KIR2DL1: variants seen among roughly 807,000 people sequenced by gnomAD.
KIR2DL1 encodes the protein killer cell immunoglobulin-like receptor 2DL1.
KIR2DL1 carries 38 observed loss-of-function variants against 33.9 expected under a neutral mutation model. The observed-to-expected ratio is 1.12, with a 90% CI of 0.86 to 1.47. The LOEUF is 1.47. KIR2DL1 is among the 40% of genes most tolerant of loss of function. The pLI, the probability that KIR2DL1 is intolerant of heterozygous loss-of-function variation, is 0.00. For missense variants in KIR2DL1, 531 were observed against 433.9 expected (o/e 1.22, Z -1.99); for synonymous variants, 179 against 165.9 (o/e 1.08, Z -0.61).
At chr19:54,774,557 T>C (rs1380707918) in intron 3 of KIR2DL1, among the ~76,000 whole-genome samples, 1 of 147,984 alleles carries the variant, frequency 6.8e-6, no homozygotes, top group African/African-American at 2.5e-5. Flanking sequence ...AGATAATAGG[T>C]TATAGATACA....
chr19:54,783,434 G>C, intron 6 of KIR2DL1, 52 bp from the exon 7 acceptor site: 3 of 1,595,312 alleles, frequency 1.9e-6, no homozygotes, highest in Non-Finnish European at 2.6e-6. Context: ...CTTATGAAAT[G>C]AGGACCCAGA....
At chr19:54,775,701 C>G (rs1463719797) in intron 4 of KIR2DL1, among the ~76,000 whole-genome samples, 1 of 148,594 alleles carries the variant, frequency 6.7e-6, no homozygotes, top group East Asian at 1.9e-4. Flanking sequence ...TCAGGAGAGA[C>G]CCAGAGGAGG....
intron 5 of KIR2DL1, 90 bp from the exon 6 acceptor site, chr19:54,782,832 T>A (rs1380565928): frequency 7.0e-7 from 1 of 1,420,216 alleles, no homozygotes; most frequent in East Asian, 2.3e-5. Flanking sequence ...AGGTGTTTTA[T>A]GTGGTTACCT....
At chr19:54,771,292 T>C (rs1468855477) in intron 2 of KIR2DL1, among the ~76,000 whole-genome samples, 3 of 148,618 alleles carry the variant, frequency 2.0e-5, no homozygotes, top group African/African-American at 7.4e-5. Context: ...TTTATTTTCG[T>C]TCAGGCATCG....
intron 5 of KIR2DL1, 97 bp downstream of exon 5, chr19:54,778,759 G>C (rs1224240470): frequency 3.1e-6 from 4 of 1,287,376 alleles, no homozygotes; most frequent in Middle Eastern, 2.0e-4. Context: ...CTCTGACATT[G>C]TACACTTGTC....
rs768305581 is a variant in KIR2DL1, at chr19:54,783,496, A to T, written c.828A>T (p.Val276=). Residue 276 remains valine, a synonymous_variant, in exon 7 of 8, where the codon GTA becomes GTT. Coordinates refer to ENST00000336077, the MANE Select transcript of KIR2DL1 (RefSeq NM_014218.3). Reference sequence around the variant, plus strand: ...TTCCATCTTCTACAGATGCTGCGGTAATGGACCAAGAGTCTGCAGGAAACA... The same window carrying T: ...TTCCATCTTCTACAGATGCTGCGGTTATGGACCAAGAGTCTGCAGGAAACA... The part of the protein sequence containing the change: ...RWCSNKKNAA[V]MDQESAGNRT... 5.0e-6 allele frequency: 8 copies of T among 1,613,504 alleles called. No individual in the cohort carries two copies. In the Admixed American group the frequency reaches 1.0e-4, roughly 20 times the overall value.
At chr19:54,773,671 T>A in intron 3 of KIR2DL1, 39 bp downstream of exon 3, 2 of 1,478,116 alleles carry the variant, frequency 1.4e-6, no homozygotes, top group Non-Finnish European at 9.3e-7. Context: ...GTCATTGGGA[T>A]GCAGAGTGAA....
At chr19:54,781,467 C>G (rs1362895497) in intron 5 of KIR2DL1, among the ~76,000 whole-genome samples, 2 of 150,706 alleles carry the variant, frequency 1.3e-5, no homozygotes, top group Non-Finnish European at 3.0e-5. Flanking sequence ...CCCACCTCAC[C>G]CCTACTTCCA....
intron 5 of KIR2DL1, among the ~76,000 whole-genome samples, chr19:54,781,805 T>C (rs1389727809): frequency 3.3e-5 from 5 of 151,824 alleles, no homozygotes; most frequent in Non-Finnish European, 7.4e-5. Context: ...ACTTTTGTTT[T>C]CTTTCCTTGG....
At chr19:54,775,068 A>G in intron 3 of KIR2DL1, 97 bp from the exon 4 acceptor site, 4 of 1,362,628 alleles carry the variant, frequency 2.9e-6, no homozygotes, top group Non-Finnish European at 4.0e-6. Context: ...GAGAGAGAGC[A>G]TTAGGTCATA....
At chr19:54,782,239 GCC>G (rs2077053288) in intron 5 of KIR2DL1, among the ~76,000 whole-genome samples, 2 of 151,904 alleles carry the variant, frequency 1.3e-5, no homozygotes. Context: ...CAGGAAGACA[GCC>G]CAGGGTGTTC....
At chr19:54,777,083 AT>A (rs1474080943) in intron 4 of KIR2DL1, among the ~76,000 whole-genome samples, 109 of 151,426 alleles carry the variant, frequency 7.2e-4, no homozygotes, top group Non-Finnish European at 1.0e-4. Flanking sequence ...GCTAAAAGCC[AT>A]TTTATTTTAT....
chr19:54,771,810 G>A (rs990957475), intron 2 of KIR2DL1, among the ~76,000 whole-genome samples: 2 of 147,870 alleles, frequency 1.4e-5, no homozygotes, highest in South Asian at 4.3e-4. Context: ...GCACACGCAG[G>A]GACCTATACA....
chr19:54,771,820 A>C (rs1200602665), intron 2 of KIR2DL1, among the ~76,000 whole-genome samples: 2 of 147,744 alleles, frequency 1.4e-5, no homozygotes, highest in Admixed American at 1.4e-4. Context: ...GGACCTATAC[A>C]TGTCGGGGTT....
At chr19:54,773,129 T>G (rs1417185534) in intron 2 of KIR2DL1, among the ~76,000 whole-genome samples, 5 of 148,038 alleles carry the variant, frequency 3.4e-5, no homozygotes, top group Admixed American at 6.8e-5. Context: ...AATCAGAGGC[T>G]ACTAGAGACA....
At position 54,783,804 on chromosome 19, in the gene KIR2DL1, C is replaced by G. The variant is rs1337268846; in HGVS notation, c.1038C>G (p.Ser346=). 6.2e-7 allele frequency: 1 copy of G among 1,613,894 alleles called. No individual in the cohort carries two copies. Among genetic ancestry groups the G allele is most frequent in the East Asian group, 2.2e-5 (1 of 44,900 alleles). The change falls in exon 8 of 8, where the codon TCC becomes TCG. Residue 346 remains serine (S), a synonymous_variant. Coordinates refer to ENST00000336077, the MANE Select transcript of KIR2DL1 (RefSeq NM_014218.3). ...PNAESRSKVV[S]CP Reference sequence around the variant, plus strand: ...CTGAGTCCAGATCCAAAGTTGTCTCCTGCCCATGAGCACCACAGTCAGGCC... The same window carrying G: ...CTGAGTCCAGATCCAAAGTTGTCTCGTGCCCATGAGCACCACAGTCAGGCC...
intron 1 of KIR2DL1, among the ~76,000 whole-genome samples, chr19:54,770,326 C>T (rs1211236333): frequency 2.1e-5 from 3 of 140,096 alleles, no homozygotes; most frequent in African/African-American, 8.0e-5. Context: ...ATATCTGGGC[C>T]TGGAGTGGAG....
intron 5 of KIR2DL1, 28 bp from the exon 6 acceptor site, chr19:54,782,894 T>C (rs2077176657): frequency 1.1e-5 from 17 of 1,600,492 alleles, no homozygotes; most frequent in African/African-American, 8.0e-5. Flanking sequence ...TAAGATTAGC[T>C]TCTTATTGGT....
At chr19:54,776,736 G>A (rs373489780) in intron 4 of KIR2DL1, among the ~76,000 whole-genome samples, 1,672 of 143,456 alleles carry the variant, frequency 0.012, 59 homozygotes, top group African/African-American at 0.042. Context: ...CGCCTCCTGG[G>A]TTCAAATGAT....
Sources: gnomAD v4.1 joint callset for allele counts (sites outside exome capture counted in the v4.1 genomes callset) on GRCh38, gnomAD v4.1.1 for gene constraint, MANE v1.5 for transcripts, NCBI Gene and HGNC (gene_info 2026-07-23, HGNC 2026-07-21) for gene names.